GRM1: variants seen among roughly 807,000 people sequenced by gnomAD.
GRM1 encodes metabotropic glutamate receptor 1.
GRM1 carries 33 observed loss-of-function variants against 90.9 expected under a neutral mutation model. That is an observed-to-expected ratio of 0.36 (90% CI 0.28 to 0.49). GRM1 has a LOEUF of 0.49. Among genes scored for constraint, GRM1 ranks in the 20% least tolerant of loss-of-function variants. The pLI is 0.99. For missense variants in GRM1, 1,190 were observed against 1,534.3 expected (o/e 0.78, Z 3.75); for synonymous variants, 700 against 613.2 (o/e 1.14, Z -2.09).
At chr6:146,170,752 G>A (rs1185631578) in intron 2 of GRM1, among the ~76,000 whole-genome samples, 1 of 151,114 alleles carries the variant, frequency 6.6e-6, no homozygotes, top group Non-Finnish European at 1.5e-5. Context: ...TTAAGACTTT[G>A]TTATAGCTGA....
At chr6:146,276,832 G>A (rs1335815600) in intron 2 of GRM1, among the ~76,000 whole-genome samples, 1 of 152,136 alleles carries the variant, frequency 6.6e-6, no homozygotes, top group Non-Finnish European at 1.5e-5. Context: ...AGGGCACGGT[G>A]GTTTACGTAT....
chr6:146,243,942 A>C (rs1307508720), intron 2 of GRM1, among the ~76,000 whole-genome samples: 1 of 152,132 alleles, frequency 6.6e-6, no homozygotes, highest in African/African-American at 2.4e-5. Flanking sequence ...CTTTGCTGAG[A>C]AAAAGAATTC....
chr6:146,320,760 G>T (rs1185360536), intron 3 of GRM1, among the ~76,000 whole-genome samples: 5 of 152,122 alleles, frequency 3.3e-5, no homozygotes, highest in Non-Finnish European at 7.4e-5. Flanking sequence ...TTGCGTAGAG[G>T]TGTTTATTCT....
intron 5 of GRM1, among the ~76,000 whole-genome samples, chr6:146,383,999 C>T (rs567936980): frequency 1.3e-4 from 20 of 152,214 alleles, no homozygotes; most frequent in African/African-American, 4.8e-4. Context: ...ACCCTAAAAT[C>T]ACTCAGGCTT....
intron 3 of GRM1, among the ~76,000 whole-genome samples, chr6:146,344,007 C>A (rs1785082141): frequency 6.6e-6 from 1 of 152,060 alleles, no homozygotes; most frequent in Non-Finnish European, 1.5e-5. Context: ...TATGCCAGAC[C>A]ACATGTAAAC....
intron 7 of GRM1, among the ~76,000 whole-genome samples, chr6:146,405,910 T>G (rs970699202): frequency 6.6e-6 from 1 of 152,212 alleles, no homozygotes; most frequent in Non-Finnish European, 1.5e-5. Flanking sequence ...GTCTTATCCT[T>G]GGAATCACCA....
At chr6:146,368,537 C>A (rs1442755222) in intron 5 of GRM1, among the ~76,000 whole-genome samples, 1 of 151,942 alleles carries the variant, frequency 6.6e-6, no homozygotes. Context: ...ATTATGTTGA[C>A]AGACATTTCT....
chr6:146,306,029 A>G (rs1182712426), intron 3 of GRM1, among the ~76,000 whole-genome samples: 4 of 152,216 alleles, frequency 2.6e-5, no homozygotes, highest in Non-Finnish European at 5.9e-5. Flanking sequence ...TTCAGATACC[A>G]ATATATGTAA....
At chr6:146,118,516 C>T (rs1434691593) in intron 1 of GRM1, among the ~76,000 whole-genome samples, 1 of 152,120 alleles carries the variant, frequency 6.6e-6, no homozygotes, top group African/African-American at 2.4e-5. Flanking sequence ...TATATATGTG[C>T]CATGTTGGTG....
At chr6:146,397,051 AG>A (rs1477223996) in intron 6 of GRM1, among the ~76,000 whole-genome samples, 6 of 152,140 alleles carry the variant, frequency 3.9e-5, no homozygotes, top group Admixed American at 1.3e-4. Context: ...TGCGGGCACG[AG>A]GGGGTCCAGT....
chr6:146,203,151 G>A (rs1430801117), intron 2 of GRM1, among the ~76,000 whole-genome samples: 1 of 151,344 alleles, frequency 6.6e-6, no homozygotes, highest in Non-Finnish European at 1.5e-5. Context: ...CCAAGATAGC[G>A]CCACATCACT....
chr6:146,162,527 T>C (rs1273600642), intron 2 of GRM1, among the ~76,000 whole-genome samples: 1 of 152,170 alleles, frequency 6.6e-6, no homozygotes, highest in Non-Finnish European at 1.5e-5. Context: ...AACCTCAGAA[T>C]CGGACCTCTT....
At chr6:146,209,081 T>C (rs1779590979) in intron 2 of GRM1, among the ~76,000 whole-genome samples, 1 of 152,178 alleles carries the variant, frequency 6.6e-6, no homozygotes, top group East Asian at 1.9e-4. Flanking sequence ...TTATTATTAA[T>C]ATTTTAGACA....
intron 2 of GRM1, among the ~76,000 whole-genome samples, chr6:146,178,216 A>G (rs1325909380): frequency 6.6e-6 from 1 of 152,092 alleles, no homozygotes; most frequent in Non-Finnish European, 1.5e-5. Flanking sequence ...TGACCTCAAT[A>G]GTTTTGAGGA....
At chr6:146,160,589 C>T (rs1777687686) in intron 2 of GRM1, among the ~76,000 whole-genome samples, 1 of 152,126 alleles carries the variant, frequency 6.6e-6, no homozygotes, top group African/African-American at 2.4e-5. Flanking sequence ...TCATATCACA[C>T]CCATTAAAGA....
intron 1 of GRM1, among the ~76,000 whole-genome samples, chr6:146,097,698 T>C (rs927304301): frequency 6.6e-6 from 1 of 152,344 alleles, no homozygotes; most frequent in East Asian, 1.9e-4. Flanking sequence ...TGAGCATATC[T>C]ACAACTTCTG....
At chr6:146,236,786 G>A (rs1403209258) in intron 2 of GRM1, among the ~76,000 whole-genome samples, 3 of 152,036 alleles carry the variant, frequency 2.0e-5, no homozygotes, top group Non-Finnish European at 2.9e-5. Flanking sequence ...GATCCAGGTA[G>A]GCCTTCATGC....
At chr6:146,313,450 A>G (rs1783843458) in intron 3 of GRM1, among the ~76,000 whole-genome samples, 1 of 152,174 alleles carries the variant, frequency 6.6e-6, no homozygotes, top group Non-Finnish European at 1.5e-5. Flanking sequence ...CTGGATGAGT[A>G]TCTATTTAGG....
At chr6:146,056,007 A>G (rs1453610031) in intron 1 of GRM1, among the ~76,000 whole-genome samples, 3 of 152,148 alleles carry the variant, frequency 2.0e-5, no homozygotes, top group Admixed American at 6.6e-5. Flanking sequence ...TGGTTAGTTA[A>G]CATATTTACT....
Sources: gnomAD v4.1 joint callset for allele counts (sites outside exome capture counted in the v4.1 genomes callset) on GRCh38, gnomAD v4.1.1 for gene constraint, MANE v1.5 for transcripts, NCBI Gene and HGNC (gene_info 2026-07-23, HGNC 2026-07-21) for gene names.